PDE3B: variants seen among roughly 807,000 people sequenced by gnomAD.
PDE3B encodes phosphodiesterase 3B.
Under a neutral mutation model 116.8 loss-of-function variants are expected in PDE3B, and 66 were observed. The ratio of observed to expected loss-of-function variants is 0.56; its 90% CI spans 0.46 to 0.69. The LOEUF (loss-of-function observed/expected upper bound fraction) is 0.69, where lower values mean the gene tolerates loss of function less well. Among genes scored for constraint, PDE3B ranks in the 30% least tolerant of loss-of-function variants. The probability of loss-of-function intolerance (pLI) is 0.00; values close to 1 mark genes in which losing one functional copy is unlikely to be tolerated. For synonymous variants in PDE3B, 595 were observed against 533.6 expected (o/e 1.12, Z -1.59); for missense variants, 1,384 against 1,368.1 (o/e 1.01, Z -0.18).
intron 1 of PDE3B, among the ~76,000 whole-genome samples, chr11:14,706,667 T>C (rs1565100209): frequency 1.3e-5 from 2 of 151,926 alleles, no homozygotes; most frequent in South Asian, 4.1e-4. Flanking sequence ...TATGCCACTT[T>C]CAAAGAAACA....
At chr11:14,673,349 CTACAGCA>C (rs1854430638) in intron 1 of PDE3B, among the ~76,000 whole-genome samples, 1 of 151,904 alleles carries the variant, frequency 6.6e-6, no homozygotes, top group Non-Finnish European at 1.5e-5. Flanking sequence ...GTAAAACACT[CTACAGCA>C]TATCCTCTGT....
intron 1 of PDE3B, among the ~76,000 whole-genome samples, chr11:14,750,369 T>C (rs1857027056): frequency 6.6e-6 from 1 of 152,108 alleles, no homozygotes; most frequent in Non-Finnish European, 1.5e-5. Flanking sequence ...TTTATGATTA[T>C]TTCAAATCAT....
rs866281998 is a variant in PDE3B, at chr11:14,667,552, G to A, written c.978+22499G>A. 2.0e-5 allele frequency among the ~76,000 whole-genome samples: 3 copies of A among 150,966 alleles called. No homozygotes were observed. The South Asian group carries it at 6.3e-4, about 32-fold the overall frequency. On this transcript the variant is annotated intron_variant, in intron 1 of 15. Transcript: ENST00000282096. ...TGGCCTTCGTAGGGACATGGATGAA[G>A]CTGGAAACCATCATTCTCAGCAAAC...
At chr11:14,722,725 C>G (rs1428290559) in intron 1 of PDE3B, among the ~76,000 whole-genome samples, 1 of 152,150 alleles carries the variant, frequency 6.6e-6, no homozygotes, top group African/African-American at 2.4e-5. Context: ...TGATTATAAC[C>G]TCATGAGAGA....
At chr11:14,788,604 G>A (rs1204778997) in intron 3 of PDE3B, among the ~76,000 whole-genome samples, 1 of 151,832 alleles carries the variant, frequency 6.6e-6, no homozygotes, top group Non-Finnish European at 1.5e-5. Flanking sequence ...TAAAATTAGG[G>A]CAAAATATTA....
chr11:14,657,178 G>A (rs1415213792), intron 1 of PDE3B, among the ~76,000 whole-genome samples: 2 of 152,104 alleles, frequency 1.3e-5, no homozygotes, highest in Non-Finnish European at 2.9e-5. Context: ...TTTGGAGTTG[G>A]GAGTACACTG....
chr11:14,785,009 T>G (rs760608941), intron 2 of PDE3B, among the ~76,000 whole-genome samples: 13 of 152,116 alleles, frequency 8.5e-5, no homozygotes, highest in Non-Finnish European at 1.9e-4. Context: ...AATCAGAGAA[T>G]TCAGATTAAA....
intron 1 of PDE3B, among the ~76,000 whole-genome samples, chr11:14,689,134 A>G (rs114586259): frequency 4.2e-4 from 64 of 152,342 alleles, no homozygotes; most frequent in African/African-American, 1.4e-3. Flanking sequence ...TGGATTTGTC[A>G]TAAGTCCTAT....
At chr11:14,752,581 A>T (rs545872261) in intron 1 of PDE3B, among the ~76,000 whole-genome samples, 3 of 152,114 alleles carry the variant, frequency 2.0e-5, no homozygotes, top group African/African-American at 7.2e-5. Context: ...TATGCTATGG[A>T]GTCATGGCTG....
At chr11:14,796,498 A>C (rs1315552734) in intron 4 of PDE3B, among the ~76,000 whole-genome samples, 1 of 152,170 alleles carries the variant, frequency 6.6e-6, no homozygotes, top group Admixed American at 6.5e-5. Context: ...GTGTAAAAGT[A>C]TTCTTATTTC....
chr11:14,673,945 C>G lies in PDE3B; in HGVS notation c.978+28892C>G. On this transcript the variant is annotated intron_variant, in intron 1 of 15. Transcript: ENST00000282096. ...TACTCCTTATTATCTGTGTTTCCAC[C>G]AGATTTCTTGTAATTTGCGTAATCC... 2.2e-6 allele frequency: 3 copies of G among 1,368,474 alleles called. 1 individual carries two copies. In the South Asian group the frequency reaches 3.5e-5, roughly 16 times the overall value. The allele number at this position is 1,368,474 out of a possible 1,614,324, so 84.8% of individuals were successfully genotyped here. A position where few individuals can be genotyped will look rare whatever the true frequency, so the allele number is the denominator to read the frequency against.
chr11:14,645,989 T>C (rs1393433714), intron 1 of PDE3B, among the ~76,000 whole-genome samples: 1 of 152,222 alleles, frequency 6.6e-6, no homozygotes, highest in Non-Finnish European at 1.5e-5. Context: ...ATGAGAAATC[T>C]AGGCATATAG....
chr11:14,810,885 T>G lies in PDE3B; in HGVS notation c.1522+6835T>G, dbSNP rs1032318018. 4.9e-3 allele frequency among the ~76,000 whole-genome samples: 730 copies of G among 147,572 alleles called. 10 individuals are homozygous for G. Among genetic ancestry groups the G allele is most frequent in the African/African-American group, 0.018 (712 of 40,656 alleles). On this transcript the variant is annotated intron_variant, in intron 5 of 15. Coordinates refer to ENST00000282096, the MANE Select transcript of PDE3B (RefSeq NM_000922.4). ...CTAACTGGTGTGAGATGGTATCTCA[T>G]TGTGGTTTTGATTTGCATTTCTCGG...
chr11:14,753,694 G>A (rs1475569833), intron 1 of PDE3B, among the ~76,000 whole-genome samples: 1 of 152,024 alleles, frequency 6.6e-6, no homozygotes, highest in African/African-American at 2.4e-5. Context: ...AAAAAACAAA[G>A]TATCCCTTTT....
chr11:14,770,242 A>G (rs1454882671), intron 1 of PDE3B, among the ~76,000 whole-genome samples: 1 of 151,364 alleles, frequency 6.6e-6, no homozygotes, highest in Non-Finnish European at 1.5e-5. Context: ...TGTCTATTCT[A>G]GACATCTATT....
the PDE3B span, chr11:14,890,813 G>A: frequency 2.1e-6 from 2 of 959,422 alleles, no homozygotes; most frequent in Non-Finnish European, 2.5e-6. Flanking sequence ...CTCCTAAAGT[G>A]CTGGGATTAT....
chr11:14,714,229 T>A (rs1003926394), intron 1 of PDE3B, among the ~76,000 whole-genome samples: 11 of 148,464 alleles, frequency 7.4e-5, no homozygotes, highest in Non-Finnish European at 1.6e-4. Flanking sequence ...ACCGTATAAA[T>A]GTGTATATAT....
rs1555008336 is a variant in PDE3B at position 14,867,734 on chromosome 11, G to A, written c.3115G>A (p.Glu1039Lys). The A allele has an allele frequency of 6.2e-7, 1 of 1,609,454 alleles. No individual in the cohort carries two copies. The highest frequency in any genetic ancestry group is 8.5e-7 in the Non-Finnish European group (1 of 1,175,816). ...DGEELDTEDE[E>K]MENNLNPKPP... ...TGAAGAATTAGATACAGAAGATGAA[G>A]AAATGGAAAACAATCTAAATCCAAG... is the stretch of plus-strand genomic sequence containing the variant. The change falls in exon 15 of 16, where the codon GAA (glutamate) becomes AAA (lysine). Residue 1039 changes from glutamate (E) to lysine (K), a missense_variant. Glu to Lys is a moderately conservative substitution (Grantham distance 56). Transcript: ENST00000282096.
At chr11:14,783,043 TC>T (rs1330622253) in intron 2 of PDE3B, among the ~76,000 whole-genome samples, 1 of 152,036 alleles carries the variant, frequency 6.6e-6, no homozygotes, top group Non-Finnish European at 1.5e-5. Flanking sequence ...GAAATGCAAA[TC>T]AAAACCACAA....
Sources: allele counts gnomAD v4.1 joint callset (sites outside exome capture counted in the v4.1 genomes callset), GRCh38; gene constraint gnomAD v4.1.1; transcripts MANE v1.5; gene names NCBI Gene and HGNC (gene_info 2026-07-23, HGNC 2026-07-21).